PTPRD: variants seen among roughly 807,000 people sequenced by gnomAD.
PTPRD encodes receptor-type tyrosine-protein phosphatase delta.
Under a neutral mutation model 214.5 loss-of-function variants are expected in PTPRD, and 34 were observed. The observed-to-expected ratio is 0.16, with a 90% confidence interval of 0.12 to 0.21. The LOEUF (loss-of-function observed/expected upper bound fraction) is 0.21, where lower values mean the gene tolerates loss of function less well. Ranked by LOEUF, PTPRD falls within the 10% of genes least tolerant of loss-of-function variation. The probability of loss-of-function intolerance (pLI) is 1.00; values close to 1 mark genes in which losing one functional copy is unlikely to be tolerated. For synonymous variants in PTPRD, 1,128 were observed against 845.7 expected, an observed-to-expected ratio of 1.33 and a Z score of -5.79; for missense variants, 2,545 against 2,398.7, an observed-to-expected ratio of 1.06 and a Z score of -1.27.
At chr9:10,114,928 A>G (rs1179251844) in intron 3 of PTPRD, among the ~76,000 whole-genome samples, 1 of 151,752 alleles carries the variant, frequency 6.6e-6, no homozygotes, top group Non-Finnish European at 1.5e-5. Flanking sequence ...AAGGAATTAT[A>G]GTGGTCTGCT....
At position 10,482,358 on chromosome 9, in the gene PTPRD, A is replaced by G. The variant is rs181433792; in HGVS notation, c.-600+130040T>C. 9.8e-3 allele frequency among the ~76,000 whole-genome samples: 1,484 copies of G among 152,096 alleles called. 12 individuals are homozygous for G. The highest frequency in any genetic ancestry group is 0.022 in the African/African-American group (913 of 41,508). On this transcript the variant is annotated intron_variant, in intron 2 of 45. Transcript: ENST00000381196. The stretch of plus-strand genomic sequence containing the variant: ...TGCACTCCAGCCTGGGCGACAGAGC[A>G]AGACTCCGTTTCAATAAATAAATAA...
chr9:10,262,184 TA>T (rs578022740), intron 3 of PTPRD, among the ~76,000 whole-genome samples: 1,676 of 151,520 alleles, frequency 0.011, 14 homozygotes, highest in African/African-American at 0.026. Flanking sequence ...AAAGAAAAAT[TA>T]AAAAAAAATT....
chr9:8,545,071 A>G (rs2079650787), intron 14 of PTPRD, among the ~76,000 whole-genome samples: 1 of 151,996 alleles, frequency 6.6e-6, no homozygotes, highest in Non-Finnish European at 1.5e-5. Flanking sequence ...TAGCACACAC[A>G]ATCGTAGTTT....
intron 5 of PTPRD, among the ~76,000 whole-genome samples, chr9:9,894,636 C>A (rs948535767): frequency 1.3e-5 from 2 of 152,040 alleles, no homozygotes; most frequent in South Asian, 4.1e-4. Context: ...CATCACACTG[C>A]ATGCTTTTCT....
chr9:8,557,157 C>T (rs2084087824), intron 14 of PTPRD, among the ~76,000 whole-genome samples: 1 of 151,918 alleles, frequency 6.6e-6, no homozygotes, highest in Admixed American at 6.6e-5. Context: ...CTTCTGTTAG[C>T]CGAGGTACAG....
intron 11 of PTPRD, among the ~76,000 whole-genome samples, chr9:8,948,460 TA>T (rs2099081010): frequency 6.4e-4 from 9 of 13,988 alleles, no homozygotes; most frequent in African/African-American, 8.3e-4. Flanking sequence ...TATTTATATA[TA>T]TATTTACATA....
intron 10 of PTPRD, among the ~76,000 whole-genome samples, chr9:9,038,575 G>A (rs1005805559): frequency 8.2e-6 from 1 of 122,050 alleles, no homozygotes; most frequent in African/African-American, 3.3e-5. Flanking sequence ...TTTTTTTTGA[G>A]ATGGAGTTTC....
intron 11 of PTPRD, among the ~76,000 whole-genome samples, chr9:8,740,243 T>C (rs1414463688): frequency 6.6e-6 from 1 of 152,110 alleles, no homozygotes; most frequent in African/African-American, 2.4e-5. Flanking sequence ...GTAGAAATAG[T>C]GTTAACGAAT....
At chr9:10,222,001 A>G (rs1011483812) in intron 3 of PTPRD, among the ~76,000 whole-genome samples, 1 of 151,626 alleles carries the variant, frequency 6.6e-6, no homozygotes, top group Non-Finnish European at 1.5e-5. Flanking sequence ...TACTTATATC[A>G]GAAATAGAAA....
At chr9:10,502,145 T>C (rs888553260) in intron 2 of PTPRD, among the ~76,000 whole-genome samples, 45 of 151,908 alleles carry the variant, frequency 3.0e-4, no homozygotes, top group African/African-American at 1.1e-3. Context: ...AAAGCCAACA[T>C]GCAAATTAGC....
chr9:9,741,251 G>A (rs2098397669), intron 6 of PTPRD, among the ~76,000 whole-genome samples: 1 of 152,046 alleles, frequency 6.6e-6, no homozygotes, highest in Admixed American at 6.5e-5. Context: ...GTACACATTT[G>A]GAATTTATTA....
At chr9:10,070,789 G>A (rs1043145476) in intron 3 of PTPRD, among the ~76,000 whole-genome samples, 10 of 151,560 alleles carry the variant, frequency 6.6e-5, no homozygotes, top group African/African-American at 9.7e-5. Context: ...ACTCTCCACC[G>A]GCCACTATCA....
intron 5 of PTPRD, among the ~76,000 whole-genome samples, chr9:9,788,197 C>T (rs538610641): frequency 6.6e-6 from 1 of 151,982 alleles, no homozygotes; most frequent in Non-Finnish European, 1.5e-5. Flanking sequence ...TATGAATGTA[C>T]AGAGGACAAG....
At chr9:9,796,411 A>G (rs138072371) in intron 5 of PTPRD, among the ~76,000 whole-genome samples, 1 of 152,302 alleles carries the variant, frequency 6.6e-6, no homozygotes, top group African/African-American at 2.4e-5. Flanking sequence ...TACGGGAAGA[A>G]ATATCCGGGA....
chr9:8,665,176 T>C (rs2097146540), intron 12 of PTPRD, among the ~76,000 whole-genome samples: 1 of 152,168 alleles, frequency 6.6e-6, no homozygotes, highest in African/African-American at 2.4e-5. Flanking sequence ...AAAGTAAGAT[T>C]TTGTTTATTT....
At chr9:8,494,537 C>T (rs2097218104) in intron 26 of PTPRD, among the ~76,000 whole-genome samples, 1 of 152,152 alleles carries the variant, frequency 6.6e-6, no homozygotes, top group Non-Finnish European at 1.5e-5. Context: ...TTATGGTTTC[C>T]AAGGTTCCCC....
intron 10 of PTPRD, among the ~76,000 whole-genome samples, chr9:9,179,408 T>A (rs924277499): frequency 1.3e-5 from 2 of 152,128 alleles, no homozygotes; most frequent in Non-Finnish European, 2.9e-5. Flanking sequence ...GATCCAATTA[T>A]GAAAAGTGAC....
At position 9,333,504 on chromosome 9, in the gene PTPRD, T is replaced by TTTTATATATATATATATAATATTA. The variant is rs544075539; in HGVS notation, c.-203+63944_-203+63945insTAATATTATATATATATATATAAA. Among the ~76,000 whole-genome samples, 297 of 137,214 alleles carry TTTTATATATATATATATAATATTA rather than the reference T, an allele frequency of 2.2e-3. 2 individuals are homozygous for TTTTATATATATATATATAATATTA. Among genetic ancestry groups the TTTTATATATATATATATAATATTA allele is most frequent in the African/African-American group, 8.1e-3 (279 of 34,274 alleles). The allele number at this position is 137,214 out of a possible 152,430, so 90.0% of individuals were successfully genotyped here. A position where few individuals can be genotyped will look rare whatever the true frequency, so the allele number is the denominator to read the frequency against. On this transcript the variant is annotated intron_variant, in intron 9 of 45. Transcript: ENST00000381196. ...TAAAACATATATATTATATAGTATA[T>TTTTATATATATATATATAATATTA]TATATATATATATATATATATAAAG... is the stretch of plus-strand genomic sequence containing the variant.
intron 9 of PTPRD, among the ~76,000 whole-genome samples, chr9:9,238,969 T>A (rs2099968831): frequency 6.6e-6 from 1 of 152,120 alleles, no homozygotes. Flanking sequence ...ACAGCCACGG[T>A]GTGTCTTTTT....
Sources: gnomAD v4.1 joint callset for allele counts (sites outside exome capture counted in the v4.1 genomes callset) on GRCh38, gnomAD v4.1.1 for gene constraint, MANE v1.5 for transcripts, NCBI Gene and HGNC (gene_info 2026-07-23, HGNC 2026-07-21) for gene names.